SANBR: variants seen among roughly 807,000 people sequenced by gnomAD.
The protein encoded by SANBR is SANT and BTB domain regulator of CSR, also known as SANT and BTB domain regulator of class switch recombination.
A neutral mutation model predicts 101.8 loss-of-function variants in SANBR; 77 were observed. That is an observed-to-expected ratio of 0.76 (90% CI 0.63 to 0.91). SANBR has a LOEUF of 0.91. Ranked by LOEUF, SANBR falls within the 40% of genes least tolerant of loss-of-function variation. The probability of loss-of-function intolerance (pLI) is 0.00; values close to 1 mark genes in which losing one functional copy is unlikely to be tolerated. For missense variants in SANBR, 875 were observed against 853.0 expected, an observed-to-expected ratio of 1.03 and a Z score of -0.32; for synonymous variants, 279 against 274.7, an observed-to-expected ratio of 1.02 and a Z score of -0.15.
intron 8 of SANBR, among the ~76,000 whole-genome samples, 188 bp from the exon 9 acceptor site, chr2:61,087,971 T>C (rs1397279809): frequency 3.9e-5 from 6 of 152,192 alleles, no homozygotes; most frequent in Non-Finnish European, 8.8e-5. Flanking sequence ...AGAACTGCTT[T>C]ATTTTATTTA....
At chr2:61,085,207 T>G (rs905308136) in intron 8 of SANBR, among the ~76,000 whole-genome samples, 1 of 152,206 alleles carries the variant, frequency 6.6e-6, no homozygotes, top group Non-Finnish European at 1.5e-5. Context: ...GATGAGACCA[T>G]ACTTTTTTTG....
intron 10 of SANBR, among the ~76,000 whole-genome samples, chr2:61,090,909 C>CTT (rs747161495): frequency 7.2e-5 from 10 of 139,252 alleles, no homozygotes; most frequent in South Asian, 2.3e-4. Context: ...TTTAAAATTC[C>CTT]TTTTTTTTTT....
At chr2:61,111,237 CA>C (rs1462616997) in intron 16 of SANBR, among the ~76,000 whole-genome samples, 2 of 151,954 alleles carry the variant, frequency 1.3e-5, no homozygotes, top group Non-Finnish European at 2.9e-5. Flanking sequence ...ATTAAAAATA[CA>C]AAAAATTAGC....
chr2:61,112,232 A>G (rs555776685), intron 16 of SANBR, among the ~76,000 whole-genome samples: 1 of 152,240 alleles, frequency 6.6e-6, no homozygotes, highest in Non-Finnish European at 1.5e-5. Flanking sequence ...GCACATTCAC[A>G]TCAATACTTG....
intron 6 of SANBR, among the ~76,000 whole-genome samples, chr2:61,080,298 T>C (rs2104869376): frequency 6.6e-6 from 1 of 152,248 alleles, no homozygotes; most frequent in East Asian, 1.9e-4. Context: ...GTCTTTATTC[T>C]AACCAGGAAA....
In SANBR at chr2:61,092,601, T is replaced by G. The variant is rs1426260184; in HGVS notation, c.1212+14T>G. On this transcript the variant is annotated intron_variant, in intron 11 of 21. Coordinates refer to ENST00000402291, the MANE Select transcript of SANBR (RefSeq NM_001129993.3). ...AGATGTTATCAGGTAAGATTTTTTTTTTTAAATATCCTGCTCTGCAAATAT... is the reference window on the plus strand; with the variant it reads ...AGATGTTATCAGGTAAGATTTTTTTGTTTAAATATCCTGCTCTGCAAATAT... The G allele has an allele frequency of 6.4e-7, 1 of 1,573,158 alleles. No individual in the cohort carries two copies. Among genetic ancestry groups the G allele is most frequent in the Non-Finnish European group, 8.6e-7 (1 of 1,164,700 alleles).
intron 5 of SANBR, among the ~76,000 whole-genome samples, chr2:61,075,663 A>G (rs374295867): frequency 5.9e-5 from 9 of 152,158 alleles, no homozygotes; most frequent in African/African-American, 1.7e-4. Context: ...AAATATGGAA[A>G]TAAGTACATT....
At chr2:61,109,158 C>A (rs1683702687) in intron 15 of SANBR, 39 bp from the exon 16 acceptor site, 2 of 1,013,354 alleles carry the variant, frequency 2.0e-6, no homozygotes, top group South Asian at 2.2e-5. Flanking sequence ...AATAAAAAAT[C>A]ATAATATTAC....
At chr2:61,103,365 C>G (rs534719523) in intron 12 of SANBR, among the ~76,000 whole-genome samples, 1 of 152,222 alleles carries the variant, frequency 6.6e-6, no homozygotes, top group East Asian at 1.9e-4. Flanking sequence ...TCTCAAACTC[C>G]TGGGCTCAAG....
At chr2:61,096,505 A>G (rs1055454128) in intron 11 of SANBR, among the ~76,000 whole-genome samples, 2 of 152,184 alleles carry the variant, frequency 1.3e-5, no homozygotes, top group Non-Finnish European at 2.9e-5. Context: ...TGCCTAGTCC[A>G]GTGGTCTTCC....
chr2:61,114,724 A>G (rs1460426208), intron 16 of SANBR, among the ~76,000 whole-genome samples: 1 of 152,162 alleles, frequency 6.6e-6, no homozygotes, highest in Non-Finnish European at 1.5e-5. Context: ...TCGTGATCAC[A>G]GCTCACTGCA....
chr2:61,114,523 A>G (rs911555146), intron 16 of SANBR, among the ~76,000 whole-genome samples: 2 of 152,196 alleles, frequency 1.3e-5, no homozygotes, highest in African/African-American at 2.4e-5. Context: ...GGCTTCTGCA[A>G]AAACCTTCTG....
chr2:61,083,081 T>C (rs1378278703), intron 7 of SANBR, 73 bp from the exon 8 acceptor site: 3 of 1,178,608 alleles, frequency 2.5e-6, no homozygotes, highest in African/African-American at 1.5e-5. Context: ...ATGAATTTTA[T>C]CTTTGAAAGG....
intron 1 of SANBR, among the ~76,000 whole-genome samples, chr2:61,067,554 G>A (rs995077381): frequency 2.6e-5 from 4 of 152,122 alleles, no homozygotes; most frequent in Admixed American, 2.0e-4. Flanking sequence ...TGGCCAACAT[G>A]GTGAAACCCT....
At chr2:61,132,015 A>G (rs755625990) in intron 20 of SANBR, among the ~76,000 whole-genome samples, 3 of 152,242 alleles carry the variant, frequency 2.0e-5, no homozygotes, top group Non-Finnish European at 4.4e-5. Flanking sequence ...ATATGTAAAA[A>G]TTGATGCAAA....
Position 61,122,808 on chromosome 2 carries a change from T to G in SANBR, c.*646T>G, listed in dbSNP as rs1353862221. ...TTTTTCTTTCAGTTTTTAATGCTTA[T>G]CTATTGATCATCTGAGCTGGAATTA... is the stretch of plus-strand genomic sequence containing the variant. On this transcript the variant is annotated 3_prime_UTR_variant, in exon 22 of 22. Coordinates refer to ENST00000402291, the MANE Select transcript of SANBR (RefSeq NM_001129993.3). 18 of 985,314 alleles carry G rather than the reference T, an allele frequency of 1.8e-5. No homozygotes were observed. The highest frequency in any genetic ancestry group is 2.2e-5 in the Non-Finnish European group (18 of 829,822). The allele number at this position is 985,314 out of a possible 1,614,324, so 61.0% of individuals were successfully genotyped here.
rs1372519790 is a variant in SANBR at position 61,103,933 on chromosome 2, A to T, written c.1446A>T (p.Arg482Ser). The change falls in exon 13 of 22, where the codon AGA becomes AGT. Residue 482 changes from arginine to serine, a missense_variant. By Grantham distance (110) the Arg-to-Ser change is moderately radical. Coordinates refer to ENST00000402291, the MANE Select transcript of SANBR (RefSeq NM_001129993.3). ...ATTTGCCGTCCTGTCCCACTGCTAG[A>T]ATGTTGGACGATTTGCACAAGTACA... Reference protein sequence around the residue: ...GGDLPSCPTARMLDDLHKYRD... With the variant: ...GGDLPSCPTASMLDDLHKYRD... 24 of 1,613,976 alleles carry T rather than the reference A, an allele frequency of 1.5e-5. No individual in the cohort carries two copies. The highest frequency in any genetic ancestry group is 2.0e-5 in the Non-Finnish European group (24 of 1,179,946).
chr2:61,114,706 A>C (rs541370791), intron 16 of SANBR, among the ~76,000 whole-genome samples: 1 of 152,140 alleles, frequency 6.6e-6, no homozygotes, highest in African/African-American at 2.4e-5. Flanking sequence ...CCAGGCTTCA[A>C]TGCCGTGTCG....
chr2:61,102,317 C>T (rs1235258468), intron 12 of SANBR, among the ~76,000 whole-genome samples: 4 of 139,344 alleles, frequency 2.9e-5, no homozygotes, highest in Non-Finnish European at 6.1e-5. Flanking sequence ...CGGAGACCCG[C>T]GATCGTACCA....
Sources: allele counts gnomAD v4.1 joint callset (sites outside exome capture counted in the v4.1 genomes callset), GRCh38; gene constraint gnomAD v4.1.1; transcripts MANE v1.5; gene names NCBI Gene and HGNC (gene_info 2026-07-23, HGNC 2026-07-21).